MCTP1: variants seen among roughly 807,000 people sequenced by gnomAD.
MCTP1 encodes the protein multiple C2 and transmembrane domain-containing protein 1.
Under a neutral mutation model 120.6 loss-of-function variants are expected in MCTP1, and 69 were observed. That is an observed-to-expected ratio of 0.57 (90% CI 0.47 to 0.70). The LOEUF (loss-of-function observed/expected upper bound fraction) is 0.70. Among genes scored for constraint, MCTP1 ranks in the 30% least tolerant of loss-of-function variants. The probability of loss-of-function intolerance (pLI) is 0.00; values close to 1 mark genes in which losing one functional copy is unlikely to be tolerated. For missense variants in MCTP1, 1,203 were observed against 1,248.8 expected, an observed-to-expected ratio of 0.96 and a Z score of 0.55; for synonymous variants, 529 against 493.1, an observed-to-expected ratio of 1.07 and a Z score of -0.96.
intron 17 of MCTP1, among the ~76,000 whole-genome samples, chr5:94,806,842 T>C (rs942044026): frequency 2.0e-5 from 3 of 152,018 alleles, no homozygotes; most frequent in Non-Finnish European, 4.4e-5. Context: ...AATTAAGAGA[T>C]GAGATTCTCT....
Position 94,909,269 on chromosome 5 carries a change from C to G in MCTP1, c.1634G>C (p.Arg545Thr), listed in dbSNP as rs773776824. Residue 545 changes from arginine (R) to threonine (T), a missense_variant, in exon 10 of 23, where the codon AGG becomes ACG. By Grantham distance (71) the Arg-to-Thr change is moderately conservative (BLOSUM62 -1). Coordinates refer to ENST00000515393, the MANE Select transcript of MCTP1 (RefSeq NM_024717.7). ...ITAWDKDAGK[R>T]DDFIGRCQVD... ...CACAAACCTGCCAATGAAATCATCC[C>G]TTTTCCCAGCATCTTTGTCCCATGC... 1 of 1,611,928 alleles carries G rather than the reference C, an allele frequency of 6.2e-7. No homozygotes were observed. Among genetic ancestry groups the G allele is most frequent in the South Asian group, 1.1e-5 (1 of 90,624 alleles).
chr5:95,052,130 T>C (rs1292176694), intron 1 of MCTP1, among the ~76,000 whole-genome samples: 2 of 152,180 alleles, frequency 1.3e-5, no homozygotes, highest in Admixed American at 1.3e-4. Context: ...TTATCTGAAA[T>C]TTTGGGCAAG....
At chr5:94,906,127 A>T (rs1742206703) in intron 10 of MCTP1, among the ~76,000 whole-genome samples, 1 of 152,168 alleles carries the variant, frequency 6.6e-6, no homozygotes, top group African/African-American at 2.4e-5. Flanking sequence ...CTTGGGGGAC[A>T]TTGACAGGAG....
intron 1 of MCTP1, among the ~76,000 whole-genome samples, chr5:95,105,548 C>A (rs141139309): frequency 5.0e-4 from 76 of 152,150 alleles, no homozygotes; most frequent in African/African-American, 1.8e-3. Context: ...TTTGCCAAGT[C>A]CCCTAGGGAC....
At chr5:95,126,160 TCAC>T (rs1236706258) in intron 1 of MCTP1, among the ~76,000 whole-genome samples, 2 of 152,128 alleles carry the variant, frequency 1.3e-5, no homozygotes, top group Non-Finnish European at 2.9e-5. Context: ...ACAGAATCTC[TCAC>T]CACCAGGCCT....
At chr5:94,803,982 C>G (rs954376991) in intron 17 of MCTP1, among the ~76,000 whole-genome samples, 1 of 152,068 alleles carries the variant, frequency 6.6e-6, no homozygotes, top group African/African-American at 2.4e-5. Context: ...CTCCATCACC[C>G]CAGTTGAAAG....
chr5:95,050,657 G>A (rs1745657542), intron 1 of MCTP1, among the ~76,000 whole-genome samples: 1 of 152,302 alleles, frequency 6.6e-6, no homozygotes, highest in Admixed American at 6.5e-5. Flanking sequence ...TTCCCATAAA[G>A]TTGCCAAATT....
chr5:95,070,313 C>G (rs945981763), intron 1 of MCTP1, among the ~76,000 whole-genome samples: 1 of 152,240 alleles, frequency 6.6e-6, no homozygotes, highest in African/African-American at 2.4e-5. Context: ...CTGCTTTCTG[C>G]AGCCTCAGCA....
intron 1 of MCTP1, among the ~76,000 whole-genome samples, chr5:95,169,553 AATT>A (rs1354339893): frequency 6.6e-6 from 1 of 152,102 alleles, no homozygotes; most frequent in Non-Finnish European, 1.5e-5. Flanking sequence ...GTAGGCTATT[AATT>A]ATTGCCTCAA....
intron 5 of MCTP1, among the ~76,000 whole-genome samples, chr5:94,939,324 T>C (rs2153500485): frequency 6.6e-6 from 1 of 152,120 alleles, no homozygotes. Context: ...GCCTAAAAAA[T>C]TATGTCTACT....
intron 1 of MCTP1, among the ~76,000 whole-genome samples, chr5:95,036,502 C>T (rs1399739529): frequency 2.0e-5 from 3 of 152,190 alleles, no homozygotes; most frequent in Non-Finnish European, 4.4e-5. Flanking sequence ...CATAGCTCTA[C>T]TTCTCTTGGA....
At chr5:94,851,457 G>A (rs1169636055) in intron 17 of MCTP1, among the ~76,000 whole-genome samples, 1 of 151,920 alleles carries the variant, frequency 6.6e-6, no homozygotes, top group African/African-American at 2.4e-5. Context: ...TTAAAGGCAT[G>A]CATAAAGGAA....
intron 18 of MCTP1, chr5:94,791,870 C>T (rs926241212): frequency 6.6e-6 from 1 of 152,306 alleles, no homozygotes; most frequent in Non-Finnish European, 1.5e-5. Context: ...GGGTGAAAGG[C>T]CCCTCTTCCA....
At chr5:95,066,221 T>G (rs1188240710) in intron 1 of MCTP1, among the ~76,000 whole-genome samples, 1 of 152,072 alleles carries the variant, frequency 6.6e-6, no homozygotes, top group African/African-American at 2.4e-5. Context: ...TGAAAAGACA[T>G]AGAAATGATC....
intron 1 of MCTP1, among the ~76,000 whole-genome samples, chr5:95,061,451 T>G (rs1359616173): frequency 2.0e-5 from 2 of 101,996 alleles, no homozygotes; most frequent in African/African-American, 7.4e-5. Flanking sequence ...TTTTTTTTTT[T>G]TTGAGACGGA....
chr5:95,159,116 TAAAGTC>T (rs1274798044), intron 1 of MCTP1, among the ~76,000 whole-genome samples: 1 of 152,172 alleles, frequency 6.6e-6, no homozygotes, highest in Non-Finnish European at 1.5e-5. Context: ...AAAAAATAAT[TAAAGTC>T]AAAGTACCTG....
intron 1 of MCTP1, among the ~76,000 whole-genome samples, chr5:95,067,705 G>A (rs534265260): frequency 5.1e-4 from 77 of 152,046 alleles, no homozygotes; most frequent in Non-Finnish European, 1.0e-3. Context: ...GTATTTATGG[G>A]ATACACAGTG....
chr5:95,011,171 C>T (rs544995389), intron 2 of MCTP1, among the ~76,000 whole-genome samples: 6 of 152,162 alleles, frequency 3.9e-5, no homozygotes, highest in African/African-American at 1.2e-4. Flanking sequence ...AGAAATACTT[C>T]GAAATGCTGC....
chr5:95,095,415 T>A lies in MCTP1; in HGVS notation c.721-77931A>T, dbSNP rs557125421. 2.4e-4 allele frequency among the ~76,000 whole-genome samples: 36 copies of A among 152,306 alleles called. No homozygotes were observed. The East Asian group carries it at 6.4e-3, about 27-fold the overall frequency. ...TTTTTATGGTTTGCTTTAATGAACA[T>A]CTTCAATGCATTGCAATAGCAAAGA... On this transcript the variant is annotated intron_variant, in intron 1 of 22. Transcript: ENST00000515393.
Sources: allele counts gnomAD v4.1 joint callset (sites outside exome capture counted in the v4.1 genomes callset), GRCh38; gene constraint gnomAD v4.1.1; transcripts MANE v1.5; gene names NCBI Gene and HGNC (gene_info 2026-07-23, HGNC 2026-07-21).